NRXN3: variants seen among roughly 807,000 people sequenced by gnomAD.
NRXN3 encodes the protein neurexin III.
Under a neutral mutation model 137.6 loss-of-function variants are expected in NRXN3, and 32 were observed. The observed-to-expected ratio is 0.23, with a 90% CI of 0.18 to 0.31. The LOEUF is 0.31. Ranked by LOEUF, NRXN3 falls within the 10% of genes least tolerant of loss-of-function variation. The pLI is 1.00. For missense variants in NRXN3, 1,574 were observed against 2,062.5 expected, an observed-to-expected ratio of 0.76 and a Z score of 4.59; for synonymous variants, 798 against 784.5, an observed-to-expected ratio of 1.02 and a Z score of -0.29.
intron 4 of NRXN3, among the ~76,000 whole-genome samples, 170 bp from the exon 5 acceptor site, chr14:78,644,950 G>C (rs1231592819): frequency 1.3e-5 from 2 of 152,226 alleles, no homozygotes; most frequent in African/African-American, 4.8e-5. Flanking sequence ...CCTGCTGCTA[G>C]TTTCCCTGGT....
At chr14:78,863,951 A>C (rs1445595316) in intron 10 of NRXN3, among the ~76,000 whole-genome samples, 1 of 152,152 alleles carries the variant, frequency 6.6e-6, no homozygotes. Flanking sequence ...ACAATAGTTT[A>C]ACCTTAGTAG....
At chr14:79,374,481 G>A (rs752840008) in intron 15 of NRXN3, among the ~76,000 whole-genome samples, 1 of 151,950 alleles carries the variant, frequency 6.6e-6, no homozygotes, top group Non-Finnish European at 1.5e-5. Context: ...GCAAAGCAAG[G>A]GTTAAGGCAT....
At chr14:78,836,972 C>T (rs2098998916) in intron 10 of NRXN3, among the ~76,000 whole-genome samples, 1 of 152,118 alleles carries the variant, frequency 6.6e-6, no homozygotes, top group South Asian at 2.1e-4. Flanking sequence ...TTGCTCCCTC[C>T]TTTGAAGGCT....
chr14:78,719,641 A>C (rs1214828174), intron 8 of NRXN3, among the ~76,000 whole-genome samples: 1 of 152,158 alleles, frequency 6.6e-6, no homozygotes, highest in African/African-American at 2.4e-5. Flanking sequence ...CAGGAGTTCA[A>C]GACCAGCCTG....
chr14:79,348,407 G>C (rs1464034474), intron 15 of NRXN3, among the ~76,000 whole-genome samples: 1 of 136,860 alleles, frequency 7.3e-6, no homozygotes, highest in Non-Finnish European at 1.5e-5. Context: ...ACAGAGTCTC[G>C]CTCTGTCGCC....
At chr14:78,645,072 C>A in intron 4 of NRXN3, 48 bp from the exon 5 acceptor site, 2 of 1,480,188 alleles carry the variant, frequency 1.4e-6, no homozygotes, top group South Asian at 2.7e-5. Context: ...ATAGGTCTGA[C>A]TCTTGCCAGA....
At chr14:79,825,999 G>GGT (rs2099297880) in intron 20 of NRXN3, among the ~76,000 whole-genome samples, 1 of 132,944 alleles carries the variant, frequency 7.5e-6, no homozygotes, top group Non-Finnish European at 1.7e-5. Context: ...CTTCCTCAAA[G>GGT]ATTTTTTTTT....
At chr14:79,043,214 A>G (rs938938231) in intron 15 of NRXN3, among the ~76,000 whole-genome samples, 6 of 152,162 alleles carry the variant, frequency 3.9e-5, no homozygotes, top group African/African-American at 9.6e-5. Flanking sequence ...TTATTGCCCT[A>G]TGGGTCCTCT....
intron 4 of NRXN3, among the ~76,000 whole-genome samples, chr14:78,318,318 T>TGCCAGGCCCA (rs1164901432): frequency 6.6e-6 from 1 of 152,168 alleles, no homozygotes; most frequent in East Asian, 1.9e-4. Context: ...ATGGAGTGAA[T>TGCCAGGCCCA]GCCAGGCCCA....
At chr14:78,828,199 TTGA>T in intron 10 of NRXN3, among the ~76,000 whole-genome samples, 1 of 152,332 alleles carries the variant, frequency 6.6e-6, no homozygotes, top group East Asian at 1.9e-4. Context: ...AGCAATTCTA[TTGA>T]TGGCATGTTA....
intron 4 of NRXN3, among the ~76,000 whole-genome samples, chr14:78,348,556 C>T (rs2083060818): frequency 6.6e-6 from 1 of 152,134 alleles, no homozygotes; most frequent in Non-Finnish European, 1.5e-5. Flanking sequence ...CTTCACTCTT[C>T]CCCCATATGG....
chr14:78,211,103 T>C (rs2062699142), intron 1 of NRXN3, among the ~76,000 whole-genome samples: 1 of 152,288 alleles, frequency 6.6e-6, no homozygotes. Context: ...TGGCACATAG[T>C]GAGTATTCAA....
intron 15 of NRXN3, among the ~76,000 whole-genome samples, chr14:79,071,733 GAATA>G (rs1482611852): frequency 6.6e-6 from 1 of 152,054 alleles, no homozygotes; most frequent in East Asian, 1.9e-4. Flanking sequence ...TAGTTAGAAA[GAATA>G]AATAAGATTT....
At chr14:78,508,310 A>G (rs2096035780) in intron 4 of NRXN3, among the ~76,000 whole-genome samples, 1 of 152,200 alleles carries the variant, frequency 6.6e-6, no homozygotes. Flanking sequence ...AAGTCACACC[A>G]AGGTTTACTC....
In NRXN3 at chr14:78,660,834, T is replaced by C. The variant is rs61467253; in HGVS notation, c.1221+9508T>C. Among the ~76,000 whole-genome samples the C allele has an allele frequency of 4.1e-3, 622 of 152,326 alleles. 8 individuals are homozygous for C. The highest frequency in any genetic ancestry group is 0.014 in the African/African-American group (596 of 41,578). On this transcript the variant is annotated intron_variant, in intron 6 of 20. Transcript: ENST00000335750. ...GAAGCCCTAGGTGATGTAGCAGAAT[T>C]CCTCATGTTCCTATTTTACTCCTGT...
intron 10 of NRXN3, among the ~76,000 whole-genome samples, chr14:78,936,291 A>G (rs568305967): frequency 3.9e-5 from 6 of 152,292 alleles, no homozygotes; most frequent in African/African-American, 1.2e-4. Context: ...GGGCCCTAGA[A>G]CTAAACTAGG....
intron 4 of NRXN3, among the ~76,000 whole-genome samples, chr14:78,397,636 C>T (rs972284662): frequency 5.9e-5 from 9 of 151,844 alleles, no homozygotes; most frequent in Admixed American, 5.9e-4. Flanking sequence ...CAGAGTCTAG[C>T]TCTGTCACCC....
chr14:79,537,243 G>C (rs1353138947), intron 16 of NRXN3, among the ~76,000 whole-genome samples: 1 of 151,800 alleles, frequency 6.6e-6, no homozygotes, highest in Non-Finnish European at 1.5e-5. Flanking sequence ...ATGTTTGTCG[G>C]CTGCATAAAT....
intron 4 of NRXN3, among the ~76,000 whole-genome samples, chr14:78,519,286 CAG>C (rs2096254147): frequency 1.3e-5 from 2 of 152,100 alleles, no homozygotes; most frequent in Non-Finnish European, 2.9e-5. Context: ...CATCCTGCTT[CAG>C]GAGAACTTGG....
Sources: allele counts gnomAD v4.1 joint callset (sites outside exome capture counted in the v4.1 genomes callset), GRCh38; gene constraint gnomAD v4.1.1; transcripts MANE v1.5; gene names NCBI Gene and HGNC (gene_info 2026-07-23, HGNC 2026-07-21).